LAMA1: variants seen among roughly 807,000 people sequenced by gnomAD.
The protein encoded by LAMA1 is laminin subunit alpha-1.
LAMA1 carries 219 observed loss-of-function variants against 348.7 expected under a neutral mutation model. That is an observed-to-expected ratio of 0.63 (90% confidence interval 0.56 to 0.70). The LOEUF is 0.70. Ranked by LOEUF, LAMA1 falls within the 30% of genes least tolerant of loss-of-function variation. The probability of loss-of-function intolerance (pLI) is 0.00; values close to 1 mark genes in which losing one functional copy is unlikely to be tolerated. For missense variants in LAMA1, 3,744 were observed against 3,888.0 expected (o/e 0.96, Z 0.99); for synonymous variants, 1,487 against 1,491.0 (o/e 1.00, Z 0.06).
chr18:7,105,900 C>T (rs1326163818), intron 1 of LAMA1, among the ~76,000 whole-genome samples: 1 of 152,186 alleles, frequency 6.6e-6, no homozygotes, highest in Non-Finnish European at 1.5e-5. Flanking sequence ...GTGGGGAAAC[C>T]CATTTAAACA....
intron 20 of LAMA1, 109 bp from the exon 21 acceptor site, chr18:7,016,780 G>T: frequency 9.6e-7 from 1 of 1,038,456 alleles, no homozygotes; most frequent in Non-Finnish European, 1.4e-6. Flanking sequence ...GAATCATAAA[G>T]TATTCATGAC....
intron 3 of LAMA1, among the ~76,000 whole-genome samples, chr18:7,073,161 T>G (rs1000367553): frequency 3.3e-5 from 5 of 152,214 alleles, no homozygotes; most frequent in African/African-American, 1.2e-4. Flanking sequence ...AATTTGTGCC[T>G]TTAAATGACT....
Position 7,117,659 on chromosome 18 carries a change from C to T in LAMA1, c.61+1G>A. 1 of 1,597,742 alleles carries T rather than the reference C, an allele frequency of 6.3e-7. No homozygotes were observed. The highest frequency in any genetic ancestry group is 8.5e-7 in the Non-Finnish European group (1 of 1,178,460). ...GACCCTAGGACCCGGGCCGGGCTCACCTCTCTGCCGGCACTGCGCGGCGAC... is the reference window on the plus strand; with the variant it reads ...GACCCTAGGACCCGGGCCGGGCTCATCTCTCTGCCGGCACTGCGCGGCGAC... On this transcript the variant is annotated splice_donor_variant, in intron 1 of 62. Transcript: ENST00000389658. LOFTEE classifies it high-confidence loss of function.
chr18:6,950,832 T>C lies in LAMA1; in HGVS notation c.8347A>G (p.Arg2783Gly), dbSNP rs772526993. 3.5e-5 allele frequency: 56 copies of C among 1,614,074 alleles called. No individual in the cohort carries two copies. Among genetic ancestry groups the C allele is most frequent in the Admixed American group, 3.0e-4 (18 of 60,012 alleles). ...LHFMFDLGKGRTKVSHPALLS... is the reference protein window; with the variant it reads ...LHFMFDLGKGGTKVSHPALLS... ...AGTGCAGGGTGAGAGACCTTTGTTC[T>C]GCCTTTGCCAAGGTCAAACATGAAG... is the stretch of plus-strand genomic sequence containing the variant. Residue 2783 changes from arginine to glycine, a missense_variant, in exon 58 of 63, where the codon AGA becomes GGA. By Grantham distance (125) the Arg-to-Gly change is moderately radical (BLOSUM62 -2). Around this residue, in one of 3 missense-constraint regions of LAMA1, gnomAD observed 1,983 missense variants for 1,934.3 expected, o/e 1.03. Transcript: ENST00000389658.
In LAMA1 at chr18:7,010,180, T is replaced by C; in HGVS notation, c.3873+20A>G. ...AGTCAATGTCTTTAAGGAACTTCTA[T>C]GAAAAGATCCCATTATCACCTCTCT... On this transcript the variant is annotated intron_variant, in intron 26 of 62. Transcript: ENST00000389658. 1.2e-6 allele frequency: 2 copies of C among 1,613,168 alleles called. No homozygotes were observed. The highest frequency in any genetic ancestry group is 1.1e-5 in the South Asian group (1 of 91,064).
chr18:6,980,678 A>G (rs1383430449), intron 41 of LAMA1, 41 bp from the exon 42 acceptor site: 1 of 1,327,308 alleles, frequency 7.5e-7, no homozygotes, highest in Admixed American at 1.7e-5. Flanking sequence ...AGGTTAGCCT[A>G]CAAAAAAGTT....
chr18:6,965,917 T>C (rs2057630954), intron 49 of LAMA1: 1 of 545,484 alleles, frequency 1.8e-6, no homozygotes, highest in Non-Finnish European at 3.2e-6. Flanking sequence ...GGCTAGTTTC[T>C]ACTTGGTGTT....
intron 8 of LAMA1, 78 bp from the exon 9 acceptor site, chr18:7,042,328 T>C (rs980550502): frequency 5.2e-5 from 46 of 877,846 alleles, no homozygotes; most frequent in Non-Finnish European, 5.6e-6. Context: ...AAGAAGGTAT[T>C]GGCTTTTTAC....
intron 3 of LAMA1, chr18:7,076,716 T>C (rs1164038125): frequency 1.3e-5 from 2 of 150,442 alleles, no homozygotes; most frequent in South Asian, 2.1e-4. Flanking sequence ...GAAAATTGAA[T>C]GTGGATGGGA....
chr18:7,007,151 G>A lies in LAMA1; in HGVS notation c.4248C>T (p.Thr1416=), dbSNP rs375908736. The A allele has an allele frequency of 2.6e-5, 42 of 1,613,926 alleles. No homozygotes were observed. The highest frequency in any genetic ancestry group is 3.2e-5 in the Non-Finnish European group (38 of 1,180,022). The change falls in exon 29 of 63, where the codon ACC becomes ACT. Residue 1416 remains threonine, a synonymous_variant. Coordinates refer to ENST00000389658, the MANE Select transcript of LAMA1 (RefSeq NM_005559.4). Reference sequence around the variant, plus strand: ...CAAACCAGCATACCAGACACTTCCCGGTGTTGGGGTCACAGGTGTCACTGT... The same window carrying A: ...CAAACCAGCATACCAGACACTTCCCAGTGTTGGGGTCACAGGTGTCACTGT... ...NNHSDTCDPN[T]GKCLNCGDNT... is the part of the protein sequence containing the mutation.
At chr18:6,976,632 G>C (rs571115076) in intron 44 of LAMA1, among the ~76,000 whole-genome samples, 1 of 147,930 alleles carries the variant, frequency 6.8e-6, no homozygotes, top group South Asian at 2.2e-4. Flanking sequence ...ATTTATTTAG[G>C]GTCTTGCTCT....
At chr18:7,056,525 GA>G (rs952742079) in intron 3 of LAMA1, among the ~76,000 whole-genome samples, 2 of 152,182 alleles carry the variant, frequency 1.3e-5, no homozygotes, top group Non-Finnish European at 2.9e-5. Context: ...GAGAGGTCAA[GA>G]AACAAACTAC....
intron 55 of LAMA1, chr18:6,957,129 C>T (rs963941694): frequency 1.5e-5 from 5 of 322,762 alleles, no homozygotes; most frequent in African/African-American, 8.6e-5. Context: ...GTGACCTCCA[C>T]GAAACACTGA....
In LAMA1 at chr18:6,965,413, T is replaced by A; in HGVS notation, c.7070A>T (p.Glu2357Val). The A allele has an allele frequency of 6.2e-7, 1 of 1,614,078 alleles. No individual in the cohort carries two copies. Among genetic ancestry groups the A allele is most frequent in the Non-Finnish European group, 8.5e-7 (1 of 1,180,004 alleles). The stretch of plus-strand genomic sequence containing the variant: ...AACCTTCACTCTGCCACGAAACAGC[T>A]CGATGGATAAAAAGTCTTTCTGTAA... ...SYGTKDFLSI[E>V]LFRGRVKVMT... Residue 2357 changes from glutamate (E) to valine (V), a missense_variant, in exon 50 of 63, where the codon GAG becomes GTG. Glu to Val is a moderately radical substitution (Grantham distance 121). Coordinates refer to ENST00000389658, the MANE Select transcript of LAMA1 (RefSeq NM_005559.4).
chr18:6,947,242 G>A lies in LAMA1; in HGVS notation c.8765C>T (p.Thr2922Ile). ...SDVNITLEFRTSSQNGVLLGI... is the reference protein window; with the variant it reads ...SDVNITLEFRISSQNGVLLGI... ...CAGGAGGACGCCATTCTGCGAGGAG[G>A]TTCGAAACTCCAGTGTGATGTTCAC... Residue 2922 changes from threonine (T) to isoleucine (I), a missense_variant, in exon 61 of 63, where the codon ACC becomes ATC. Thr to Ile is a moderately conservative substitution (Grantham distance 89, BLOSUM62 -1). This residue lies in a region of LAMA1 where 232 missense variants were observed against 264.4 expected (regional missense o/e 0.88). Transcript: ENST00000389658. The A allele has an allele frequency of 2.5e-6, 4 of 1,614,146 alleles. No homozygotes were observed. The highest frequency in any genetic ancestry group is 1.7e-5 in the Admixed American group (1 of 60,020).
At chr18:7,054,602 A>G (rs547932756) in intron 3 of LAMA1, among the ~76,000 whole-genome samples, 1 of 152,354 alleles carries the variant, frequency 6.6e-6, no homozygotes, top group South Asian at 2.1e-4. Context: ...TAGCCATGCA[A>G]TACATGTGTG....
chr18:7,010,463 T>C (rs2057854731), intron 25 of LAMA1, 78 bp from the exon 26 acceptor site: 2 of 1,323,356 alleles, frequency 1.5e-6, no homozygotes, highest in Non-Finnish European at 2.2e-6. Context: ...ACTGCCACCA[T>C]AAGAGAGAAA....
In LAMA1 at chr18:6,961,567, G is replaced by A; in HGVS notation, c.7626+19C>T. ...GTAATTTCCTGAGCTTGGGGCTCAG[G>A]AGCACTGGCCCTACTCACCACGTGT... On this transcript the variant is annotated intron_variant, in intron 53 of 62. Transcript: ENST00000389658. The A allele has an allele frequency of 6.2e-7, 1 of 1,612,628 alleles. No individual in the cohort carries two copies. Among genetic ancestry groups the A allele is most frequent in the Non-Finnish European group, 8.5e-7 (1 of 1,179,962 alleles).
rs776029187 is a variant in LAMA1 at position 6,976,128 on chromosome 18, G to A, written c.6346-48C>T. Reference sequence around the variant, plus strand: ...TCCCCATCATTTAGTGACACACACCGGCAGCTCACCAGCAGCTCAACAATG... The same window carrying A: ...TCCCCATCATTTAGTGACACACACCAGCAGCTCACCAGCAGCTCAACAATG... On this transcript the variant is annotated intron_variant, in intron 44 of 62. Transcript: ENST00000389658. 1.3e-5 allele frequency: 20 copies of A among 1,599,244 alleles called. No individual in the cohort carries two copies. The South Asian group carries it at 1.7e-4, about 13-fold the overall frequency.
Sources: allele counts gnomAD v4.1 joint callset (sites outside exome capture counted in the v4.1 genomes callset), GRCh38; gene constraint gnomAD v4.1.1; regional missense constraint gnomAD v4.1.1; transcripts MANE v1.5; gene names NCBI Gene and HGNC (gene_info 2026-07-23, HGNC 2026-07-21).